Variants in ZNF618 observed in about 807,000 individuals in gnomAD.
ZNF618 encodes zinc finger protein 618, also known as neural precursor cell expressed, developmentally down-regulated 10.
Under a neutral mutation model 103.0 loss-of-function variants are expected in ZNF618, and 34 were observed. That is an observed-to-expected ratio of 0.33 (90% CI 0.25 to 0.44). ZNF618 has a LOEUF of 0.44. ZNF618 is among the 20% of genes least tolerant of loss of function. The probability of loss-of-function intolerance (pLI) is 1.00; values close to 1 mark genes in which losing one functional copy is unlikely to be tolerated. For synonymous variants in ZNF618, 551 were observed against 542.2 expected, an observed-to-expected ratio of 1.02 and a Z score of -0.23; for missense variants, 1,059 against 1,295.4, an observed-to-expected ratio of 0.82 and a Z score of 2.80.
chr9:114,029,287 A>G (rs980581053), intron 11 of ZNF618, among the ~76,000 whole-genome samples: 2 of 152,098 alleles, frequency 1.3e-5, no homozygotes, highest in Non-Finnish European at 1.5e-5. Context: ...CATTCTTCAC[A>G]AGGTTTAAAA....
At chr9:113,933,407 C>G (rs1023207260) in intron 1 of ZNF618, among the ~76,000 whole-genome samples, 8 of 152,122 alleles carry the variant, frequency 5.3e-5, no homozygotes, top group Non-Finnish European at 1.0e-4. Context: ...CGGGTCCAAG[C>G]CAAGAGAAAG....
Position 113,876,344 on chromosome 9 carries a change from C to T in ZNF618, c.-37C>T. ...CACCAGCAGCCCGGCCCGGGAGGAG[C>T]AGGACGCGCCGGGGCCGCCTCCTCC... On this transcript the variant is annotated 5_prime_UTR_variant, in exon 1 of 15. Transcript: ENST00000374126. 3 of 1,177,060 alleles carry T rather than the reference C, an allele frequency of 2.5e-6. No homozygotes were observed. The highest frequency in any genetic ancestry group is 3.1e-6 in the Non-Finnish European group (3 of 957,008). 72.9% of individuals were successfully genotyped at this position (1,177,060 alleles called of 1,614,324 possible). A position where few individuals can be genotyped will look rare whatever the true frequency, so the allele number is the denominator to read the frequency against.
At chr9:113,878,106 T>G (rs1828129810) in intron 1 of ZNF618, among the ~76,000 whole-genome samples, 2 of 152,150 alleles carry the variant, frequency 1.3e-5, no homozygotes, top group Non-Finnish European at 2.9e-5. Flanking sequence ...TTTATCAATA[T>G]TTGTTATTTT....
intron 1 of ZNF618, among the ~76,000 whole-genome samples, chr9:113,917,875 C>T (rs1832270067): frequency 6.6e-6 from 1 of 152,136 alleles, no homozygotes; most frequent in South Asian, 2.1e-4. Context: ...TAGTATAATG[C>T]TCAGATTATA....
chr9:113,951,782 A>G (rs976346735), intron 1 of ZNF618, among the ~76,000 whole-genome samples: 1 of 151,916 alleles, frequency 6.6e-6, no homozygotes, highest in African/African-American at 2.4e-5. Context: ...GCTAAGGAGA[A>G]CAAGTGTGGT....
intron 13 of ZNF618, among the ~76,000 whole-genome samples, chr9:114,039,356 T>TTTTTTTTTC (rs1564336262): frequency 6.9e-6 from 1 of 144,256 alleles, no homozygotes. Context: ...TTTTTTTTTT[T>TTTTTTTTTC]TTTCCTTTGA....
At chr9:114,008,972 C>T (rs1386682883) in intron 9 of ZNF618, among the ~76,000 whole-genome samples, 2 of 152,214 alleles carry the variant, frequency 1.3e-5, no homozygotes, top group African/African-American at 2.4e-5. Flanking sequence ...GAAAATAACA[C>T]GTCGTAGTCA....
At chr9:114,000,766 A>G (rs1306810073) in intron 4 of ZNF618, among the ~76,000 whole-genome samples, 1 of 152,122 alleles carries the variant, frequency 6.6e-6, no homozygotes, top group Non-Finnish European at 1.5e-5. Context: ...TGTGCTGGGA[A>G]CACTCTTCAT....
intron 2 of ZNF618, among the ~76,000 whole-genome samples, chr9:113,973,925 G>C (rs1249605124): frequency 1.3e-5 from 2 of 152,166 alleles, no homozygotes; most frequent in Non-Finnish European, 2.9e-5. Flanking sequence ...CAAGTGAACA[G>C]GATCTTGTAG....
chr9:113,921,958 C>T (rs960159734), intron 1 of ZNF618, among the ~76,000 whole-genome samples: 1 of 151,810 alleles, frequency 6.6e-6, no homozygotes, highest in African/African-American at 2.4e-5. Flanking sequence ...TTAGGAAGTT[C>T]CAATGAGCAA....
intron 1 of ZNF618, among the ~76,000 whole-genome samples, chr9:113,883,938 G>A (rs1015296560): frequency 6.9e-6 from 1 of 144,802 alleles, no homozygotes; most frequent in Non-Finnish European, 1.5e-5. Context: ...ACTATGACCT[G>A]TGGGGGCTCC....
intron 1 of ZNF618, among the ~76,000 whole-genome samples, chr9:113,904,912 C>T (rs1196462951): frequency 2.0e-5 from 3 of 152,184 alleles, no homozygotes; most frequent in Non-Finnish European, 2.9e-5. Flanking sequence ...AGCATAATCT[C>T]TCTATCTCAA....
At chr9:113,996,524 A>G (rs139426719) in intron 3 of ZNF618, among the ~76,000 whole-genome samples, 2 of 152,236 alleles carry the variant, frequency 1.3e-5, no homozygotes, top group East Asian at 3.9e-4. Context: ...CTGTGACTTC[A>G]GGAACTAGAC....
At chr9:114,036,527 G>A in intron 13 of ZNF618, 150 bp downstream of exon 13, 1 of 817,720 alleles carries the variant, frequency 1.2e-6, no homozygotes, top group Non-Finnish European at 1.9e-6. Context: ...GGGAGCCCCA[G>A]TCAGTCAGTT....
At chr9:114,019,052 A>T (rs1842863846) in intron 10 of ZNF618, among the ~76,000 whole-genome samples, 1 of 152,210 alleles carries the variant, frequency 6.6e-6, no homozygotes, top group Admixed American at 6.5e-5. Context: ...GTCCATAAGG[A>T]CATAGACTGA....
intron 1 of ZNF618, among the ~76,000 whole-genome samples, chr9:113,964,620 G>C (rs1026044181): frequency 6.6e-6 from 1 of 151,816 alleles, no homozygotes; most frequent in Non-Finnish European, 1.5e-5. Flanking sequence ...AACACACAGC[G>C]GTTCCCCACG....
At chr9:113,894,539 G>A (rs1336401079) in intron 1 of ZNF618, among the ~76,000 whole-genome samples, 1 of 152,212 alleles carries the variant, frequency 6.6e-6, no homozygotes, top group South Asian at 2.1e-4. Flanking sequence ...AATTGTAAAT[G>A]TCTTGAATTT....
At chr9:114,012,696 C>T (rs554275483) in intron 9 of ZNF618, among the ~76,000 whole-genome samples, 3 of 152,014 alleles carry the variant, frequency 2.0e-5, no homozygotes, top group African/African-American at 4.8e-5. Context: ...AGTAAAGAGC[C>T]GAGTTTATCT....
chr9:113,990,444 G>A (rs948810889), intron 3 of ZNF618, among the ~76,000 whole-genome samples: 1 of 152,176 alleles, frequency 6.6e-6, no homozygotes, highest in Non-Finnish European at 1.5e-5. Context: ...AGCTGTCAAG[G>A]TGGGGCCAGG....
Sources: gnomAD v4.1 joint callset for allele counts (sites outside exome capture counted in the v4.1 genomes callset) on GRCh38, gnomAD v4.1.1 for gene constraint, MANE v1.5 for transcripts, NCBI Gene and HGNC (gene_info 2026-07-23, HGNC 2026-07-21) for gene names.